Variants in TRAPPC12 observed in about 807,000 individuals in gnomAD.
TRAPPC12 encodes the protein trafficking protein particle complex subunit 12.
In TRAPPC12, 61 loss-of-function variants were observed where a neutral mutation model predicts 69.2. The ratio of observed to expected loss-of-function variants is 0.88; its 90% CI spans 0.72 to 1.09. TRAPPC12 has a LOEUF of 1.09. TRAPPC12 is among the 50% of genes least tolerant of loss of function. The pLI, the probability that TRAPPC12 is intolerant of heterozygous loss-of-function variation, is 0.00. For missense variants in TRAPPC12, 1,101 were observed against 1,016.4 expected (o/e 1.08, Z -1.13); for synonymous variants, 469 against 438.9 (o/e 1.07, Z -0.86).
At chr2:3,418,902 C>T (rs1662605201) in intron 3 of TRAPPC12, among the ~76,000 whole-genome samples, 2 of 152,198 alleles carry the variant, frequency 1.3e-5, no homozygotes, top group African/African-American at 4.8e-5. Flanking sequence ...CTCTGCCTCA[C>T]CTCCTGTGCC....
chr2:3,421,342 C>T (rs1662773177), intron 3 of TRAPPC12, among the ~76,000 whole-genome samples: 1 of 152,214 alleles, frequency 6.6e-6, no homozygotes, highest in South Asian at 2.1e-4. Flanking sequence ...TGTGCATTGC[C>T]ACACGGGCCT....
At chr2:3,440,694 A>C (rs1028629341) in intron 5 of TRAPPC12, among the ~76,000 whole-genome samples, 1 of 152,174 alleles carries the variant, frequency 6.6e-6, no homozygotes, top group African/African-American at 2.4e-5. Flanking sequence ...TTCCAGTACA[A>C]TGTTCAGTAG....
intron 11 of TRAPPC12, 25 bp from the exon 12 acceptor site, chr2:3,479,194 A>C: frequency 6.2e-7 from 1 of 1,605,970 alleles, no homozygotes; most frequent in Non-Finnish European, 8.5e-7. Context: ...GTGTGGGCCA[A>C]CCCTGGGCGT....
chr2:3,452,174 C>T (rs1313782212), intron 6 of TRAPPC12, among the ~76,000 whole-genome samples: 3 of 152,032 alleles, frequency 2.0e-5, no homozygotes, highest in African/African-American at 7.2e-5. Context: ...GTCATACACC[C>T]GCTGAGTTCT....
intron 2 of TRAPPC12, among the ~76,000 whole-genome samples, chr2:3,396,541 T>C (rs1661145199): frequency 6.6e-6 from 1 of 152,198 alleles, no homozygotes; most frequent in Admixed American, 6.5e-5. Context: ...GTATTTTCTG[T>C]GTTTTTTCTC....
chr2:3,440,320 G>A (rs1306260634), intron 5 of TRAPPC12, among the ~76,000 whole-genome samples: 1 of 152,200 alleles, frequency 6.6e-6, no homozygotes, highest in Non-Finnish European at 1.5e-5. Flanking sequence ...TCCTGTCCAT[G>A]AATGTGGAAT....
rs901345067 is a variant in TRAPPC12, at chr2:3,452,126, C to G, written c.1531-5495C>G. On this transcript the variant is annotated intron_variant, in intron 6 of 11. Coordinates refer to ENST00000324266, the MANE Select transcript of TRAPPC12 (RefSeq NM_016030.6). ...GTGACCGCAGTGTCTCACCTGAGGG[C>G]TCAGCTGGGGCTGGAGAACTGGGCT... 4.6e-5 allele frequency among the ~76,000 whole-genome samples: 7 copies of G among 152,312 alleles called. No individual in the cohort carries two copies. The East Asian group carries it at 1.3e-3, about 29-fold the overall frequency.
chr2:3,420,290 G>GC (rs1215139895), intron 3 of TRAPPC12, among the ~76,000 whole-genome samples: 2 of 152,198 alleles, frequency 1.3e-5, no homozygotes, highest in African/African-American at 4.8e-5. Flanking sequence ...GGCTACTCAG[G>GC]CGTAGAGCCT....
intron 2 of TRAPPC12, among the ~76,000 whole-genome samples, chr2:3,390,379 C>T (rs1660757769): frequency 6.6e-6 from 1 of 152,092 alleles, no homozygotes; most frequent in Admixed American, 6.6e-5. Context: ...CCCAGAAATT[C>T]CACTCTTAGG....
chr2:3,405,862 C>G (rs1661700702), intron 3 of TRAPPC12, among the ~76,000 whole-genome samples: 1 of 152,232 alleles, frequency 6.6e-6, no homozygotes, highest in Non-Finnish European at 1.5e-5. Flanking sequence ...GACACAAATT[C>G]AGCTGCACTC....
chr2:3,440,841 C>A (rs1449826428), intron 5 of TRAPPC12, among the ~76,000 whole-genome samples: 1 of 152,146 alleles, frequency 6.6e-6, no homozygotes. Flanking sequence ...TCCCTCTATT[C>A]CTAGTTGGCT....
intron 7 of TRAPPC12, chr2:3,458,552 A>G (rs969393438): frequency 6.0e-5 from 40 of 671,810 alleles, no homozygotes; most frequent in Non-Finnish European, 6.6e-5. Flanking sequence ...TTGGGTGTGC[A>G]TGCTGTGGCA....
At chr2:3,468,429 C>A (rs1435128425) in intron 9 of TRAPPC12, among the ~76,000 whole-genome samples, 1 of 144,758 alleles carries the variant, frequency 6.9e-6, no homozygotes, top group Non-Finnish European at 1.5e-5. Context: ...GTCAGTCCCC[C>A]CATACAACCG....
intron 2 of TRAPPC12, chr2:3,389,921 G>T: frequency 2.5e-6 from 1 of 393,960 alleles, no homozygotes; most frequent in Admixed American, 2.8e-5. Context: ...AGAATGGAGG[G>T]GTGCATGCTG....
chr2:3,410,797 C>T (rs918360702), intron 3 of TRAPPC12, among the ~76,000 whole-genome samples: 8 of 152,032 alleles, frequency 5.3e-5, no homozygotes, highest in Admixed American at 5.2e-4. Flanking sequence ...TTTGGGAGGA[C>T]GAGGCAGGCA....
At chr2:3,394,473 C>T (rs1330826783) in intron 2 of TRAPPC12, among the ~76,000 whole-genome samples, 1 of 152,016 alleles carries the variant, frequency 6.6e-6, no homozygotes, top group African/African-American at 2.4e-5. Context: ...ATACAAAAAA[C>T]AGCCGGACGT....
intron 3 of TRAPPC12, among the ~76,000 whole-genome samples, chr2:3,417,971 A>C (rs1196992224): frequency 1.4e-5 from 2 of 142,668 alleles, no homozygotes; most frequent in East Asian, 4.4e-4. Context: ...TGAACCCAGG[A>C]GGCGGAGATT....
intron 6 of TRAPPC12, among the ~76,000 whole-genome samples, chr2:3,447,797 C>T (rs988799175): frequency 1.3e-5 from 2 of 152,222 alleles, no homozygotes; most frequent in African/African-American, 4.8e-5. Flanking sequence ...CTCTGCTCTC[C>T]ACTGGTGAGT....
chr2:3,455,518 C>T (rs1665098838), intron 6 of TRAPPC12: 1 of 152,164 alleles, frequency 6.6e-6, no homozygotes, highest in South Asian at 2.1e-4. Context: ...TGTTCCCAGC[C>T]TCTGGTAACC....
Sources: allele counts gnomAD v4.1 joint callset (sites outside exome capture counted in the v4.1 genomes callset), GRCh38; gene constraint gnomAD v4.1.1; transcripts MANE v1.5; gene names NCBI Gene and HGNC (gene_info 2026-07-23, HGNC 2026-07-21).